The following HNF4A variants were observed in gnomAD, a reference collection of about 807,000 sequenced individuals.
HNF4A encodes the protein hepatocyte nuclear factor 4-alpha.
In HNF4A, 15 loss-of-function variants were observed where a neutral mutation model predicts 52.4. That is an observed-to-expected ratio of 0.29 (90% CI 0.19 to 0.44). The LOEUF (loss-of-function observed/expected upper bound fraction) is 0.44, where lower values mean the gene tolerates loss of function less well. HNF4A is among the 20% of genes least tolerant of loss of function. The probability of loss-of-function intolerance (pLI) is 1.00; values close to 1 mark genes in which losing one functional copy is unlikely to be tolerated. For missense variants in HNF4A, 479 were observed against 647.2 expected, an observed-to-expected ratio of 0.74 and a Z score of 2.82; for synonymous variants, 280 against 264.4, an observed-to-expected ratio of 1.06 and a Z score of -0.57.
upstream of HNF4A, among the ~76,000 whole-genome samples, chr20:44,397,083 T>C (rs2063359990): frequency 6.6e-6 from 1 of 152,212 alleles, no homozygotes; most frequent in Non-Finnish European, 1.5e-5. Context: ...TAGTCACTGG[T>C]ATACAGGCAC....
At chr20:44,369,249 C>CA (rs751374772) in intron 1 of HNF4A, among the ~76,000 whole-genome samples, 5,121 of 24,818 alleles carry the variant, frequency 0.21, 1,589 homozygotes, top group East Asian at 0.5. Flanking sequence ...AACTCCATCT[C>CA]AAAAAAAAAA....
At chr20:44,397,730 C>T (rs544996811), upstream of HNF4A, among the ~76,000 whole-genome samples, 3 of 152,190 alleles carry the variant, frequency 2.0e-5, no homozygotes, top group South Asian at 6.2e-4. Flanking sequence ...AGTGATTCTC[C>T]TGCCTCAGCC....
downstream of HNF4A, chr20:44,432,874 G>A (rs763919539): frequency 2.0e-5 from 3 of 152,144 alleles, no homozygotes; most frequent in Non-Finnish European, 2.9e-5. Context: ...TTTCTTTCAG[G>A]TATCAGAAAT....
At chr20:44,380,923 G>A (rs972017383) in intron 1 of HNF4A, among the ~76,000 whole-genome samples, 10 of 152,116 alleles carry the variant, frequency 6.6e-5, no homozygotes, top group East Asian at 3.9e-4. Flanking sequence ...GTTAATTTTC[G>A]TATATGGTGT....
chr20:44,387,288 TAA>T (rs537843651), intron 1 of HNF4A, among the ~76,000 whole-genome samples: 61 of 81,990 alleles, frequency 7.4e-4, no homozygotes, highest in Non-Finnish European at 9.2e-4. Context: ...AACTTCATCT[TAA>T]AAAAAAAAAA....
chr20:44,422,920 C>T (rs1375158346), intron 7 of HNF4A, among the ~76,000 whole-genome samples: 1 of 151,866 alleles, frequency 6.6e-6, no homozygotes, highest in Non-Finnish European at 1.5e-5. Flanking sequence ...CTCAAGTGAT[C>T]CCCCCGCCTC....
At chr20:44,371,688 G>T (rs1278285630) in intron 1 of HNF4A, among the ~76,000 whole-genome samples, 1 of 152,138 alleles carries the variant, frequency 6.6e-6, no homozygotes, top group Non-Finnish European at 1.5e-5. Context: ...AGCCAGGCAT[G>T]CTGGAGCACG....
intron 3 of HNF4A, among the ~76,000 whole-genome samples, chr20:44,407,932 A>G (rs552215958): frequency 6.6e-6 from 1 of 152,340 alleles, no homozygotes; most frequent in Middle Eastern, 3.4e-3. Flanking sequence ...CAAATGCCCC[A>G]GTTCCCTTAG....
chr20:44,375,309 C>A (rs1001258257), intron 1 of HNF4A, among the ~76,000 whole-genome samples: 2 of 151,920 alleles, frequency 1.3e-5, no homozygotes, highest in Admixed American at 6.6e-5. Context: ...CCTTGTAGAC[C>A]TTTGTTGGAT....
chr20:44,382,649 T>C lies in HNF4A; in HGVS notation c.50-23409T>C, dbSNP rs186925591. The stretch of plus-strand genomic sequence containing the variant: ...CCATATATGCTCCTTAGGAGTAGAA[T>C]GCCAAGGACCTCTTAGCTCCTCTGA... On this transcript the variant is annotated intron_variant, in intron 1 of 9. Transcript: ENST00000316673. 1.1e-3 allele frequency among the ~76,000 whole-genome samples: 167 copies of C among 152,324 alleles called. 1 individual carries two copies. The highest frequency in any genetic ancestry group is 1.9e-4 in the Non-Finnish European group (13 of 68,018).
upstream of HNF4A, among the ~76,000 whole-genome samples, chr20:44,399,750 A>G (rs3212172): frequency 0.2 from 30,285 of 152,028 alleles, 3,545 homozygotes; most frequent in African/African-American, 0.32. Context: ...TCATTCATGC[A>G]TTCACTCAAC....
In HNF4A at chr20:44,432,344, CTTTTTTTTTTTTTT is replaced by C. The variant is rs11450239; in HGVS notation, c.*2690_*2703del. ...ATGATATTAGAAAATCTCTCGCTCT[CTTTTTTTTTTTTTT>C]TTTTTTTTTTGGCTACTTGAGTTGT... is the stretch of plus-strand genomic sequence containing the variant. On this transcript the variant is annotated 3_prime_UTR_variant, in exon 10 of 10. Coordinates refer to ENST00000316099, the MANE Select transcript of HNF4A (RefSeq NM_000457.6). 3.4e-5 allele frequency: 2 copies of C among 58,950 alleles called. No individual in the cohort carries two copies. The highest frequency in any genetic ancestry group is 6.0e-5 in the Non-Finnish European group (2 of 33,114). 3.7% of individuals were successfully genotyped at this position (58,950 alleles called of 1,614,324 possible). A position where few individuals can be genotyped will look rare whatever the true frequency, so the allele number is the denominator to read the frequency against.
chr20:44,377,328 T>G (rs972764918), intron 1 of HNF4A, among the ~76,000 whole-genome samples: 2 of 152,172 alleles, frequency 1.3e-5, no homozygotes, highest in South Asian at 4.1e-4. Flanking sequence ...AACTACCTAT[T>G]GGGTACCATG....
intron 1 of HNF4A, among the ~76,000 whole-genome samples, chr20:44,382,226 T>G (rs1311157592): frequency 8.6e-6 from 1 of 115,894 alleles, no homozygotes; most frequent in African/African-American, 3.4e-5. Flanking sequence ...GGGGCATAGC[T>G]TTCTTTCTTT....
At chr20:44,382,413 A>G (rs980356022) in intron 1 of HNF4A, among the ~76,000 whole-genome samples, 7 of 151,702 alleles carry the variant, frequency 4.6e-5, no homozygotes, top group Admixed American at 3.3e-4. Context: ...TAATTTTTGT[A>G]TTTTTAGTAG....
chr20:44,414,458 C>T (rs775451191), intron 4 of HNF4A, 49 bp from the exon 5 acceptor site: 339 of 1,612,988 alleles, frequency 2.1e-4, no homozygotes, highest in Non-Finnish European at 2.7e-4. Context: ...ACAGAGAGTG[C>T]GGGAGGGCCC....
Position 44,426,168 on chromosome 20 carries a change from G to A in HNF4A, c.1129+1914G>A, listed in dbSNP as rs1458848939. Reference sequence around the variant, plus strand: ...CAATTCCAGAATCCAAGAGAAGAGCGTGTTTGAAGGACAGAGTGTTTAATG... The same window carrying A: ...CAATTCCAGAATCCAAGAGAAGAGCATGTTTGAAGGACAGAGTGTTTAATG... On this transcript the variant is annotated intron_variant, in intron 8 of 9. Coordinates refer to ENST00000316099, the MANE Select transcript of HNF4A (RefSeq NM_000457.6). Among the ~76,000 whole-genome samples, 6 of 152,308 alleles carry A rather than the reference G, an allele frequency of 3.9e-5. No homozygotes were observed. In the East Asian group the frequency reaches 5.8e-4, roughly 15 times the overall value.
upstream of HNF4A, among the ~76,000 whole-genome samples, chr20:44,399,689 C>T (rs897420940): frequency 6.6e-6 from 1 of 152,152 alleles, no homozygotes; most frequent in Non-Finnish European, 1.5e-5. Flanking sequence ...AATTCACCCA[C>T]CCATTTGCTC....
At chr20:44,402,512 G>A (rs2063424098) in intron 1 of HNF4A, 2 of 1,302,716 alleles carry the variant, frequency 1.5e-6, no homozygotes, top group African/African-American at 3.0e-5. Context: ...CACTCACCAA[G>A]TGAGATTCAT....
Sources: gnomAD v4.1 joint callset for allele counts (sites outside exome capture counted in the v4.1 genomes callset) on GRCh38, gnomAD v4.1.1 for gene constraint, MANE v1.5 for transcripts, NCBI Gene and HGNC (gene_info 2026-07-23, HGNC 2026-07-21) for gene names.